Variants in BRINP3 observed in about 807,000 individuals in gnomAD.
BRINP3 encodes BMP/retinoic acid-inducible neural-specific protein 3.
In BRINP3, 19 loss-of-function variants were observed where a neutral mutation model predicts 71.0. The observed-to-expected ratio is 0.27, with a 90% CI of 0.19 to 0.39. BRINP3 has a LOEUF of 0.39. BRINP3 is among the 10% of genes least tolerant of loss of function. BRINP3 has a pLI of 1.00. For synonymous variants in BRINP3, 380 were observed against 337.7 expected (o/e 1.13, Z -1.37); for missense variants, 959 against 940.8 (o/e 1.02, Z -0.25).
intron 2 of BRINP3, among the ~76,000 whole-genome samples, chr1:190,319,375 C>T (rs932365269): frequency 6.6e-6 from 1 of 152,032 alleles, no homozygotes; most frequent in Non-Finnish European, 1.5e-5. Context: ...TAGCTCTTAT[C>T]CCAAAGTTGT....
intron 6 of BRINP3, 43 bp from the exon 7 acceptor site, chr1:190,160,933 AT>A (rs1433177463): frequency 5.5e-6 from 8 of 1,446,760 alleles, no homozygotes; most frequent in Non-Finnish European, 6.7e-6. Flanking sequence ...TGAAACAATT[AT>A]TTTTTGTTTT....
At chr1:190,194,880 A>G (rs1654344304) in intron 6 of BRINP3, among the ~76,000 whole-genome samples, 1 of 152,098 alleles carries the variant, frequency 6.6e-6, no homozygotes, top group African/African-American at 2.4e-5. Context: ...AAGATATGAT[A>G]AGCAAGGAAC....
At chr1:190,351,774 C>A (rs528672840) in intron 2 of BRINP3, among the ~76,000 whole-genome samples, 17 of 152,100 alleles carry the variant, frequency 1.1e-4, no homozygotes, top group African/African-American at 3.9e-4. Context: ...TATAAATTAA[C>A]AATAATATGC....
chr1:190,226,986 C>A (rs1469491828), intron 5 of BRINP3, among the ~76,000 whole-genome samples: 1 of 151,870 alleles, frequency 6.6e-6, no homozygotes, highest in Non-Finnish European at 1.5e-5. Context: ...AAGTTGCTAT[C>A]TCTTAAAAAA....
At position 190,226,089 on chromosome 1, in the gene BRINP3, C is replaced by T. The variant is rs779063923; in HGVS notation, c.954G>A (p.Glu318=). 1.3e-5 allele frequency: 20 copies of T among 1,579,816 alleles called. No individual in the cohort carries two copies. The highest frequency in any genetic ancestry group is 4.1e-5 in the African/African-American group (3 of 73,248). Residue 318 remains glutamate (E), a synonymous_variant, in exon 6 of 8, where the codon GAG becomes GAA. Transcript: ENST00000367462. ...TTAAAATACATGTCTTACCTGATTCCTCAAAGTCACTGTTGTAAGCTTTCC... is the reference window on the plus strand; with the variant it reads ...TTAAAATACATGTCTTACCTGATTCTTCAAAGTCACTGTTGTAAGCTTTCC... ...ETWKAYNSDF[E]ESDEFKLFMK...
In BRINP3 at chr1:190,249,729, C is replaced by T. The variant is rs191744716; in HGVS notation, c.618+15136G>A. Among the ~76,000 whole-genome samples, 611 of 151,790 alleles carry T rather than the reference C, an allele frequency of 4.0e-3. 1 individual carries two copies. The highest frequency in any genetic ancestry group is 0.01 in the Middle Eastern group (3 of 294). ...AATTGTTTAAGCCATTTTTGAGTTA[C>T]GTGAAGGTGAGAGTACATTTTTCAT... On this transcript the variant is annotated intron_variant, in intron 4 of 7. Coordinates refer to ENST00000367462, the MANE Select transcript of BRINP3 (RefSeq NM_199051.3).
At chr1:190,303,899 TA>T (rs944489120) in intron 2 of BRINP3, among the ~76,000 whole-genome samples, 1 of 151,776 alleles carries the variant, frequency 6.6e-6, no homozygotes, top group East Asian at 1.9e-4. Context: ...GATGGTTTAA[TA>T]AAAAATTTAA....
chr1:190,360,592 A>T lies in BRINP3; in HGVS notation c.237-78842T>A, dbSNP rs371945890. Among the ~76,000 whole-genome samples the T allele has an allele frequency of 9.2e-5, 14 of 152,288 alleles. No individual in the cohort carries two copies. In the East Asian group the frequency reaches 2.5e-3, roughly 27 times the overall value. Reference sequence around the variant, plus strand: ...GCCTTTTGAAATTATGAATTTCTCAAATAATCATATTTTGCCCATGTAACA... The same window carrying T: ...GCCTTTTGAAATTATGAATTTCTCATATAATCATATTTTGCCCATGTAACA... On this transcript the variant is annotated intron_variant, in intron 2 of 7. Transcript: ENST00000367462.
chr1:190,181,051 T>G (rs1475289595), intron 6 of BRINP3, among the ~76,000 whole-genome samples: 1 of 152,014 alleles, frequency 6.6e-6, no homozygotes, highest in Non-Finnish European at 1.5e-5. Context: ...GTTACAACAA[T>G]CCCTCCACTT....
intron 2 of BRINP3, among the ~76,000 whole-genome samples, chr1:190,398,054 C>T (rs1291040716): frequency 6.6e-6 from 1 of 151,962 alleles, no homozygotes; most frequent in Non-Finnish European, 1.5e-5. Context: ...TTTTAAGCCA[C>T]AAGCTGCAGC....
At chr1:190,174,880 A>T (rs1394241650) in intron 6 of BRINP3, among the ~76,000 whole-genome samples, 1 of 152,010 alleles carries the variant, frequency 6.6e-6, no homozygotes, top group African/African-American at 2.4e-5. Flanking sequence ...TTATCATGTG[A>T]TTTTTCCCCT....
chr1:190,378,296 G>A (rs970329683), intron 2 of BRINP3, among the ~76,000 whole-genome samples: 2 of 152,132 alleles, frequency 1.3e-5, no homozygotes, highest in Non-Finnish European at 2.9e-5. Flanking sequence ...AATGCTGTAG[G>A]AAAAAATGTT....
intron 1 of BRINP3, 130 bp from the exon 2 acceptor site, chr1:190,455,070 A>G (rs1181956978): frequency 3.9e-6 from 2 of 512,270 alleles, no homozygotes; most frequent in Non-Finnish European, 6.9e-6. Flanking sequence ...AGCAGATAAT[A>G]AAATACAAAC....
chr1:190,352,359 A>G (rs1219061317), intron 2 of BRINP3, among the ~76,000 whole-genome samples: 1 of 152,052 alleles, frequency 6.6e-6, no homozygotes, highest in Non-Finnish European at 1.5e-5. Context: ...TGAGTTTCAA[A>G]TGCGAAGGGT....
At chr1:190,301,200 CATACATATATATATATATAT>C (rs1306361843) in intron 2 of BRINP3, among the ~76,000 whole-genome samples, 1 of 87,818 alleles carries the variant, frequency 1.1e-5, no homozygotes, top group Non-Finnish European at 2.1e-5. Flanking sequence ...TATATATACA[CATACATATATATATATATAT>C]ATATATATAT....
At chr1:190,298,361 T>C (rs1427821294) in intron 2 of BRINP3, among the ~76,000 whole-genome samples, 1 of 152,074 alleles carries the variant, frequency 6.6e-6, no homozygotes, top group African/African-American at 2.4e-5. Context: ...TATCTTTATG[T>C]TTTCTTCATT....
At chr1:190,425,125 G>A (rs1465244592) in intron 2 of BRINP3, among the ~76,000 whole-genome samples, 5 of 151,680 alleles carry the variant, frequency 3.3e-5, no homozygotes, top group Non-Finnish European at 7.4e-5. Context: ...AAATAACAAA[G>A]TTTAAAATAA....
intron 2 of BRINP3, among the ~76,000 whole-genome samples, chr1:190,444,213 G>C (rs1388712639): frequency 8.0e-5 from 9 of 111,866 alleles, no homozygotes; most frequent in Non-Finnish European, 1.4e-4. Flanking sequence ...CACTCCTGCC[G>C]GGGCAACAAG....
At chr1:190,277,113 A>ATATATATATATT (rs746851050) in intron 3 of BRINP3, among the ~76,000 whole-genome samples, 106 of 107,468 alleles carry the variant, frequency 9.9e-4, no homozygotes, top group African/African-American at 3.0e-3. Context: ...ATATATATAT[A>ATATATATATATT]TATATTTATA....
Sources: allele counts gnomAD v4.1 joint callset (sites outside exome capture counted in the v4.1 genomes callset), GRCh38; gene constraint gnomAD v4.1.1; transcripts MANE v1.5; gene names NCBI Gene and HGNC (gene_info 2026-07-23, HGNC 2026-07-21).